The following GRM8 variants were observed in gnomAD, a reference collection of about 807,000 sequenced individuals.
GRM8 encodes the protein metabotropic glutamate receptor 8.
A neutral mutation model predicts 87.2 loss-of-function variants in GRM8; 47 were observed. That is an observed-to-expected ratio of 0.54 (90% CI 0.43 to 0.69). The LOEUF (loss-of-function observed/expected upper bound fraction) is 0.69. Ranked by LOEUF, GRM8 falls within the 30% of genes least tolerant of loss-of-function variation. The pLI, the probability that GRM8 is intolerant of heterozygous loss-of-function variation, is 0.00. For missense variants in GRM8, 1,019 were observed against 1,139.2 expected (o/e 0.89, Z 1.52); for synonymous variants, 396 against 404.5 (o/e 0.98, Z 0.25).
intron 6 of GRM8, among the ~76,000 whole-genome samples, chr7:126,795,938 T>C (rs796354234): frequency 2.0e-5 from 3 of 151,712 alleles, no homozygotes; most frequent in Non-Finnish European, 4.4e-5. Context: ...AGTCTACACA[T>C]AAAAATAATT....
intron 6 of GRM8, among the ~76,000 whole-genome samples, chr7:126,894,762 G>C (rs2131127912): frequency 6.6e-6 from 1 of 152,086 alleles, no homozygotes; most frequent in South Asian, 2.1e-4. Context: ...CTTCAGAGCA[G>C]GAAAGGATGA....
chr7:126,900,030 T>G (rs1473030709), intron 6 of GRM8, among the ~76,000 whole-genome samples: 2 of 152,242 alleles, frequency 1.3e-5, no homozygotes, highest in South Asian at 4.1e-4. Context: ...AGCCCAGCAT[T>G]CTCAGTGTCC....
At chr7:126,519,561 C>A (rs1812672415) in intron 9 of GRM8, among the ~76,000 whole-genome samples, 1 of 151,986 alleles carries the variant, frequency 6.6e-6, no homozygotes, top group Admixed American at 6.6e-5. Context: ...CGATGGCAGG[C>A]CACTTCTGGC....
chr7:126,610,068 C>T (rs1035687288), intron 7 of GRM8, among the ~76,000 whole-genome samples: 5 of 152,296 alleles, frequency 3.3e-5, no homozygotes, highest in African/African-American at 7.2e-5. Context: ...TGGGAAGTCC[C>T]AACTCTGCCC....
intron 6 of GRM8, among the ~76,000 whole-genome samples, chr7:126,861,636 A>G (rs1309731427): frequency 6.6e-6 from 1 of 151,296 alleles, no homozygotes; most frequent in Non-Finnish European, 1.5e-5. Flanking sequence ...TTAAACTTGT[A>G]TGATCTTGAT....
intron 3 of GRM8, among the ~76,000 whole-genome samples, chr7:126,937,583 G>C (rs148626605): frequency 1.0e-3 from 153 of 152,328 alleles, no homozygotes; most frequent in African/African-American, 3.5e-3. Flanking sequence ...ACAATGGACA[G>C]GGAGTTATAC....
At chr7:127,213,163 T>C (rs1399779077) in intron 2 of GRM8, among the ~76,000 whole-genome samples, 1 of 152,212 alleles carries the variant, frequency 6.6e-6, no homozygotes, top group Non-Finnish European at 1.5e-5. Flanking sequence ...GTCCTCTTAC[T>C]TCAACTGGCT....
At chr7:127,171,667 CATTTAAT>C (rs1344012161) in intron 2 of GRM8, among the ~76,000 whole-genome samples, 1 of 152,124 alleles carries the variant, frequency 6.6e-6, no homozygotes, top group African/African-American at 2.4e-5. Flanking sequence ...TGCCATTGCA[CATTTAAT>C]AGACTATAAT....
chr7:127,152,935 C>T (rs891845871), intron 2 of GRM8, among the ~76,000 whole-genome samples: 1 of 152,092 alleles, frequency 6.6e-6, no homozygotes, highest in Non-Finnish European at 1.5e-5. Context: ...ATTTGTAGAA[C>T]AAATTAGTCA....
chr7:126,721,354 A>G (rs541716768), intron 7 of GRM8, among the ~76,000 whole-genome samples: 256 of 152,280 alleles, frequency 1.7e-3, no homozygotes, highest in African/African-American at 5.7e-3. Flanking sequence ...TGAGCTTTTT[A>G]AAGAATGAAT....
chr7:126,463,558 G>T (rs1334969617), intron 9 of GRM8, among the ~76,000 whole-genome samples: 1 of 151,568 alleles, frequency 6.6e-6, no homozygotes, highest in African/African-American at 2.4e-5. Flanking sequence ...TAGGTTCAGT[G>T]ACCTCGGTCT....
At chr7:126,591,461 A>G (rs545709590) in intron 8 of GRM8, among the ~76,000 whole-genome samples, 1 of 152,236 alleles carries the variant, frequency 6.6e-6, no homozygotes, top group African/African-American at 2.4e-5. Context: ...ACAGCATTAG[A>G]GAGGTCATCA....
At chr7:127,107,487 T>C (rs1825919447) in intron 2 of GRM8, among the ~76,000 whole-genome samples, 3 of 152,326 alleles carry the variant, frequency 2.0e-5, no homozygotes, top group Non-Finnish European at 4.4e-5. Context: ...TATGTGATTG[T>C]GTATAGTAAC....
intron 3 of GRM8, among the ~76,000 whole-genome samples, chr7:127,073,819 T>C (rs1821976364): frequency 6.6e-6 from 1 of 152,136 alleles, no homozygotes; most frequent in Non-Finnish European, 1.5e-5. Context: ...TTTTTATATA[T>C]ATAATAAGAC....
chr7:126,629,397 G>C (rs912683785), intron 7 of GRM8, among the ~76,000 whole-genome samples: 1 of 152,134 alleles, frequency 6.6e-6, no homozygotes, highest in East Asian at 1.9e-4. Flanking sequence ...CCTCTTCCCA[G>C]TTGAGTCATT....
intron 2 of GRM8, among the ~76,000 whole-genome samples, chr7:127,173,625 A>G (rs971150245): frequency 8.5e-5 from 13 of 152,162 alleles, no homozygotes; most frequent in African/African-American, 2.9e-4. Flanking sequence ...ATGATGTTTA[A>G]AACAGTGGCC....
At chr7:126,899,270 A>C (rs563976999) in intron 6 of GRM8, among the ~76,000 whole-genome samples, 1 of 152,338 alleles carries the variant, frequency 6.6e-6, no homozygotes, top group East Asian at 1.9e-4. Flanking sequence ...CTCAGTGGAA[A>C]GCATGTAAGT....
Position 127,243,061 on chromosome 7 carries a change from C to T in GRM8, c.144G>A (p.Leu48=). 1 of 1,614,086 alleles carries T rather than the reference C, an allele frequency of 6.2e-7. No individual in the cohort carries two copies. The highest frequency in any genetic ancestry group is 8.5e-7 in the Non-Finnish European group (1 of 1,180,010). The change falls in exon 2 of 11, where the codon TTG becomes TTA. Residue 48 remains leucine (L), a synonymous_variant. Coordinates refer to ENST00000339582, the MANE Select transcript of GRM8 (RefSeq NM_000845.3). ...HSIRVDGDII[L]GGLFPVHAKG... is the part of the protein sequence containing the mutation. ...TTGCGTGGACAGGGAAGAGACCCCC[C>T]AAAATAATGTCCCCATCCACCCGTA...
chr7:126,496,704 C>T (rs941811543), intron 9 of GRM8, among the ~76,000 whole-genome samples: 6 of 151,954 alleles, frequency 3.9e-5, no homozygotes, highest in Admixed American at 1.3e-4. Flanking sequence ...CTCAATAACT[C>T]GGTGGCTTTG....
Sources: gnomAD v4.1 joint callset for allele counts (sites outside exome capture counted in the v4.1 genomes callset) on GRCh38, gnomAD v4.1.1 for gene constraint, MANE v1.5 for transcripts, NCBI Gene and HGNC (gene_info 2026-07-23, HGNC 2026-07-21) for gene names.